The following SH3PXD2A variants were observed in gnomAD, a reference collection of about 807,000 sequenced individuals.
The protein encoded by SH3PXD2A is SH3 and PX domains 2A, also known as SH3 and PX domain-containing protein 2A.
SH3PXD2A carries 32 observed loss-of-function variants against 115.2 expected under a neutral mutation model. That is an observed-to-expected ratio of 0.28 (90% CI 0.21 to 0.37). The LOEUF (loss-of-function observed/expected upper bound fraction) is 0.37, where lower values mean the gene tolerates loss of function less well. Among genes scored for constraint, SH3PXD2A ranks in the 10% least tolerant of loss-of-function variants. SH3PXD2A has a pLI of 1.00. For synonymous variants in SH3PXD2A, 610 were observed against 629.1 expected, an observed-to-expected ratio of 0.97 and a Z score of 0.45; for missense variants, 1,328 against 1,498.7, an observed-to-expected ratio of 0.89 and a Z score of 1.88.
intron 4 of SH3PXD2A, among the ~76,000 whole-genome samples, chr10:103,733,190 T>A (rs2038342604): frequency 6.6e-6 from 1 of 152,100 alleles, no homozygotes; most frequent in African/African-American, 2.4e-5. Context: ...AGGAGGTCCC[T>A]CCTCTTGCAG....
intron 6 of SH3PXD2A, among the ~76,000 whole-genome samples, chr10:103,685,174 C>T (rs572662443): frequency 2.0e-4 from 30 of 152,128 alleles, no homozygotes; most frequent in African/African-American, 6.5e-4. Flanking sequence ...CCCATCTCTA[C>T]TAAAAATACA....
intron 3 of SH3PXD2A, among the ~76,000 whole-genome samples, chr10:103,759,463 T>A (rs1206856202): frequency 2.6e-5 from 4 of 152,146 alleles, no homozygotes; most frequent in African/African-American, 9.7e-5. Context: ...GCTATTAGGA[T>A]GAAGGGCTTT....
At chr10:103,649,867 C>T (rs1266998663) in intron 8 of SH3PXD2A, among the ~76,000 whole-genome samples, 1 of 152,220 alleles carries the variant, frequency 6.6e-6, no homozygotes, top group Non-Finnish European at 1.5e-5. Context: ...GGGAGGAACA[C>T]AAGGGGCTGA....
intron 5 of SH3PXD2A, among the ~76,000 whole-genome samples, chr10:103,714,036 G>A (rs984899608): frequency 1.3e-5 from 2 of 152,318 alleles, no homozygotes; most frequent in Non-Finnish European, 2.9e-5. Context: ...CCCAGTGGCC[G>A]AAGACCCAGG....
intron 3 of SH3PXD2A, among the ~76,000 whole-genome samples, chr10:103,761,661 G>A (rs1156741322): frequency 6.6e-6 from 1 of 152,126 alleles, no homozygotes; most frequent in African/African-American, 2.4e-5. Flanking sequence ...ACCCACACAG[G>A]GCACTCCTGA....
At chr10:103,797,403 G>T (rs1234008040) in intron 2 of SH3PXD2A, among the ~76,000 whole-genome samples, 1 of 151,966 alleles carries the variant, frequency 6.6e-6, no homozygotes, top group Admixed American at 6.6e-5. Flanking sequence ...GGCGGGGGGA[G>T]GTTCTCTCCA....
At chr10:103,604,052 G>A (rs953316037) in intron 14 of SH3PXD2A, among the ~76,000 whole-genome samples, 2 of 152,124 alleles carry the variant, frequency 1.3e-5, no homozygotes, top group South Asian at 2.1e-4. Context: ...GTTAACAGCC[G>A]GGTTGAGCTG....
chr10:103,678,120 GAA>G, intron 6 of SH3PXD2A: 1 of 1,289,018 alleles, frequency 7.8e-7, no homozygotes, highest in Middle Eastern at 2.1e-4. Flanking sequence ...GACGCTACAG[GAA>G]ACAGGAGCCG....
At chr10:103,850,392 C>A (rs1417773999) in intron 1 of SH3PXD2A, among the ~76,000 whole-genome samples, 1 of 152,108 alleles carries the variant, frequency 6.6e-6, no homozygotes, top group Non-Finnish European at 1.5e-5. Context: ...GAGCAGGGAG[C>A]CTTGTCAGAC....
chr10:103,801,353 T>C lies in SH3PXD2A; in HGVS notation c.82A>G (p.Ile28Val). Residue 28 changes from isoleucine to valine, a missense_variant, in exon 2 of 15, where the codon ATC becomes GTC. Physicochemically the swap from Ile to Val is conservative, Grantham distance 29. Transcript: ENST00000369774. ...GTGGAGTCAGACCAGGTCACATTGA[T>C]TATGTATACCTGTGGGAAAAAGGTA... ...RNPSKHYVYI[I>V]NVTWSDSTSQ... The C allele has an allele frequency of 6.2e-7, 1 of 1,605,808 alleles. No individual in the cohort carries two copies. The highest frequency in any genetic ancestry group is 2.2e-5 in the East Asian group (1 of 44,828).
chr10:103,602,404 G>C lies in SH3PXD2A; in HGVS notation c.2814C>G (p.Thr938=), dbSNP rs201329561. ...GCGTGGCCTTCTTGCTCTGGTTGACGGTGTTCAGTGCTTGGACGCGCCTCT... is the reference window on the plus strand; with the variant it reads ...GCGTGGCCTTCTTGCTCTGGTTGACCGTGTTCAGTGCTTGGACGCGCCTCT... ...KIERRVQALN[T]VNQSKKATPP... Residue 938 remains threonine, a synonymous_variant, in exon 15 of 15, where the codon ACC becomes ACG. Coordinates refer to ENST00000369774, the MANE Select transcript of SH3PXD2A (RefSeq NM_001394015.1). 1.2e-6 allele frequency: 2 copies of C among 1,614,062 alleles called. No homozygotes were observed. The highest frequency in any genetic ancestry group is 1.7e-5 in the Admixed American group (1 of 60,028).
chr10:103,663,989 G>A (rs1435885821), intron 7 of SH3PXD2A, among the ~76,000 whole-genome samples: 2 of 152,218 alleles, frequency 1.3e-5, no homozygotes, highest in Non-Finnish European at 2.9e-5. Context: ...GGCCTGCCCC[G>A]CCTCTGTACT....
intron 5 of SH3PXD2A, among the ~76,000 whole-genome samples, chr10:103,704,281 G>A (rs2037955475): frequency 6.6e-6 from 1 of 152,182 alleles, no homozygotes; most frequent in Non-Finnish European, 1.5e-5. Flanking sequence ...TGGAGGAGGA[G>A]CAGCATGGGA....
chr10:103,777,808 G>A (rs999670451), intron 2 of SH3PXD2A, among the ~76,000 whole-genome samples: 12 of 152,176 alleles, frequency 7.9e-5, no homozygotes, highest in African/African-American at 2.9e-4. Context: ...AGAAGTTGCT[G>A]GGCAACTGGG....
At chr10:103,626,811 A>C (rs6584564) in intron 9 of SH3PXD2A, among the ~76,000 whole-genome samples, 1 of 149,092 alleles carries the variant, frequency 6.7e-6, no homozygotes, top group South Asian at 2.2e-4. Context: ...GGGTGGGTGG[A>C]AAAACAAACC....
intron 1 of SH3PXD2A, among the ~76,000 whole-genome samples, chr10:103,840,088 C>T (rs957622735): frequency 3.3e-5 from 5 of 152,214 alleles, no homozygotes; most frequent in Non-Finnish European, 5.9e-5. Context: ...GAAATGATGG[C>T]GCCAACAACA....
chr10:103,768,055 G>A (rs768815593), intron 2 of SH3PXD2A, among the ~76,000 whole-genome samples: 2 of 152,190 alleles, frequency 1.3e-5, no homozygotes, highest in Non-Finnish European at 2.9e-5. Context: ...AGAAGGATCA[G>A]TCACATGATC....
chr10:103,640,643 T>C (rs1159249896), intron 8 of SH3PXD2A, among the ~76,000 whole-genome samples: 1 of 152,106 alleles, frequency 6.6e-6, no homozygotes, highest in African/African-American at 2.4e-5. Context: ...TGGGCAACGG[T>C]CCCAGCTTTT....
chr10:103,664,547 C>T (rs938196617), intron 7 of SH3PXD2A, among the ~76,000 whole-genome samples: 8 of 152,210 alleles, frequency 5.3e-5, no homozygotes, highest in Non-Finnish European at 1.0e-4. Context: ...TTAACTTCTG[C>T]ACTGTATGTG....
Sources: gnomAD v4.1 joint callset for allele counts (sites outside exome capture counted in the v4.1 genomes callset) on GRCh38, gnomAD v4.1.1 for gene constraint, MANE v1.5 for transcripts, NCBI Gene and HGNC (gene_info 2026-07-23, HGNC 2026-07-21) for gene names.